Variants in FREM3 observed in about 807,000 individuals in gnomAD.
FREM3 encodes FRAS1 related extracellular matrix 3, also known as FRAS1-related extracellular matrix protein 3.
In FREM3, 105 loss-of-function variants were observed where a neutral mutation model predicts 129.1. The ratio of observed to expected loss-of-function variants is 0.81; its 90% CI spans 0.69 to 0.96. The LOEUF is 0.96. Ranked by LOEUF, FREM3 falls within the 40% of genes least tolerant of loss-of-function variation. The pLI, the probability that FREM3 is intolerant of heterozygous loss-of-function variation, is 0.00. For missense variants in FREM3, 2,593 were observed against 2,666.3 expected, an observed-to-expected ratio of 0.97 and a Z score of 0.61; for synonymous variants, 1,014 against 1,044.9, an observed-to-expected ratio of 0.97 and a Z score of 0.57.
chr4:143,589,365 T>A (rs1738309819), intron 6 of FREM3, among the ~76,000 whole-genome samples: 1 of 152,200 alleles, frequency 6.6e-6, no homozygotes, highest in Non-Finnish European at 1.5e-5. Context: ...AGGGTTTTTA[T>A]GGTTTCAGGT....
At position 143,669,534 on chromosome 4, in the gene FREM3, C is replaced by T. The variant is rs191840564; in HGVS notation, c.5275+23579G>A. On this transcript the variant is annotated intron_variant, in intron 2 of 7. Transcript: ENST00000329798. ...AACTCTTGGCGTCAAGTGATGCTCCCGCTTCAGCCTACTTTGGGATTATAG... is the reference window on the plus strand; with the variant it reads ...AACTCTTGGCGTCAAGTGATGCTCCTGCTTCAGCCTACTTTGGGATTATAG... 1.6e-3 allele frequency among the ~76,000 whole-genome samples: 237 copies of T among 152,026 alleles called. 1 individual carries two copies. The highest frequency in any genetic ancestry group is 2.7e-3 in the Non-Finnish European group (181 of 67,982).
At chr4:143,661,864 A>C (rs954939445) in intron 2 of FREM3, among the ~76,000 whole-genome samples, 3 of 152,108 alleles carry the variant, frequency 2.0e-5, no homozygotes, top group Non-Finnish European at 4.4e-5. Flanking sequence ...TAGGTTTTCT[A>C]GTTTGTTTGT....
intron 2 of FREM3, among the ~76,000 whole-genome samples, chr4:143,670,877 A>G (rs1334839342): frequency 1.3e-5 from 2 of 152,164 alleles, no homozygotes; most frequent in African/African-American, 4.8e-5. Context: ...ATGATTAAAA[A>G]AATAAATTAT....
At chr4:143,625,588 G>T (rs1309135765) in intron 3 of FREM3, among the ~76,000 whole-genome samples, 1 of 152,198 alleles carries the variant, frequency 6.6e-6, no homozygotes, top group Non-Finnish European at 1.5e-5. Flanking sequence ...CATGTTGGAA[G>T]TGGGGAACAT....
intron 2 of FREM3, among the ~76,000 whole-genome samples, chr4:143,691,251 C>T (rs1740462908): frequency 6.6e-6 from 1 of 152,046 alleles, no homozygotes; most frequent in South Asian, 2.1e-4. Context: ...TTAAGAAGTG[C>T]AGTCTTGGCC....
In FREM3 at chr4:143,700,507, G is replaced by T; in HGVS notation, c.169C>A (p.Pro57Thr). The change falls in exon 1 of 8, where the codon CCC becomes ACC. Residue 57 changes from proline (P) to threonine (T), a missense_variant. Physicochemically the swap from Pro to Thr is conservative, Grantham distance 38. Coordinates refer to ENST00000329798, the MANE Select transcript of FREM3 (RefSeq NM_001168235.2). Reference protein sequence around the residue: ...PARGALDGTRPDGPSVLIANP... With the variant: ...PARGALDGTRTDGPSVLIANP... ...GCAATCAGCACGCTGGGGCCGTCGG[G>T]GCGAGTGCCGTCAAGCGCACCCCGG... 1.3e-6 allele frequency: 2 copies of T among 1,517,054 alleles called. No homozygotes were observed. The highest frequency in any genetic ancestry group is 1.8e-6 in the Non-Finnish European group (2 of 1,135,492). The allele number at this position is 1,517,054 out of a possible 1,614,324, so 94.0% of individuals were successfully genotyped here.
intron 6 of FREM3, among the ~76,000 whole-genome samples, chr4:143,603,414 C>A (rs895153000): frequency 2.6e-5 from 4 of 152,128 alleles, no homozygotes; most frequent in African/African-American, 9.7e-5. Flanking sequence ...CAGTGGCAAT[C>A]AACTGTTATT....
At chr4:143,644,341 G>A (rs947284917) in intron 2 of FREM3, among the ~76,000 whole-genome samples, 1 of 151,828 alleles carries the variant, frequency 6.6e-6, no homozygotes, top group African/African-American at 2.4e-5. Context: ...TCCATTTTCC[G>A]TAAGGTCATT....
At chr4:143,590,175 A>T (rs1235553411) in intron 6 of FREM3, among the ~76,000 whole-genome samples, 37 of 152,234 alleles carry the variant, frequency 2.4e-4, no homozygotes, top group African/African-American at 8.4e-4. Context: ...CAATCATGTC[A>T]TCTGCAAACA....
chr4:143,612,440 A>G (rs1738775399), intron 5 of FREM3, among the ~76,000 whole-genome samples: 1 of 152,186 alleles, frequency 6.6e-6, no homozygotes. Flanking sequence ...TTGTGTGGCT[A>G]TACCACAGTT....
At chr4:143,642,365 C>A (rs1292828243) in intron 2 of FREM3, among the ~76,000 whole-genome samples, 2 of 152,108 alleles carry the variant, frequency 1.3e-5, no homozygotes, top group South Asian at 4.2e-4. Context: ...TTTGGAGGCA[C>A]CACACTACCT....
rs1299697462 is a variant in FREM3 at position 143,624,111 on chromosome 4, C to T, written c.5650G>A (p.Asp1884Asn). Reference sequence around the variant, plus strand: ...CAAATCAATCAGTGTCACATACCATCTCCAGGGTCTACAATTTCAACCGTT... The same window carrying T: ...CAAATCAATCAGTGTCACATACCATTTCCAGGGTCTACAATTTCAACCGTT... The part of the protein sequence containing the change: ...MATVEIVDPG[D>N]ESTVYIPEAE... Residue 1884 changes from aspartate (D) to asparagine (N), a missense_variant, in exon 4 of 8, where the codon GAT (aspartate) becomes AAT (asparagine). By Grantham distance (23) the Asp-to-Asn change is conservative. This residue lies in a region of FREM3 where 317 missense variants were observed against 399.0 expected (regional missense o/e 0.79). Coordinates refer to ENST00000329798, the MANE Select transcript of FREM3 (RefSeq NM_001168235.2). 2 of 1,509,818 alleles carry T rather than the reference C, an allele frequency of 1.3e-6. No individual in the cohort carries two copies. Among genetic ancestry groups the T allele is most frequent in the Non-Finnish European group, 8.9e-7 (1 of 1,122,030 alleles). The allele number at this position is 1,509,818 out of a possible 1,614,324, so 93.5% of individuals were successfully genotyped here. A position where few individuals can be genotyped will look rare whatever the true frequency, so the allele number is the denominator to read the frequency against.
At chr4:143,583,621 T>TG (rs1553964047) in intron 7 of FREM3, among the ~76,000 whole-genome samples, 1 of 151,652 alleles carries the variant, frequency 6.6e-6, no homozygotes, top group Non-Finnish European at 1.5e-5. Context: ...GCAGAAACTC[T>TG]ACAGGCCAGA....
In FREM3 at chr4:143,700,083, A is replaced by T. The variant is rs1449806835; in HGVS notation, c.593T>A (p.Leu198Gln). Residue 198 changes from leucine to glutamine, a missense_variant, in exon 1 of 8, where the codon CTG becomes CAG. Transcript: ENST00000329798. ...GCGGGTGGCCGTGGCTCCAGACTTCAGGGAGGCGAAGTCCAGCACTCTCCT... is the reference window on the plus strand; with the variant it reads ...GCGGGTGGCCGTGGCTCCAGACTTCTGGGAGGCGAAGTCCAGCACTCTCCT... The part of the protein sequence containing the change: ...IDRRVLDFAS[L>Q]KSGATATRRC... 3.3e-6 allele frequency: 5 copies of T among 1,532,104 alleles called. No individual in the cohort carries two copies. The African/African-American group carries it at 6.9e-5, about 21-fold the overall frequency. 94.9% of individuals were successfully genotyped at this position (1,532,104 alleles called of 1,614,324 possible). A position where few individuals can be genotyped will look rare whatever the true frequency, so the allele number is the denominator to read the frequency against.
chr4:143,673,428 T>C lies in FREM3; in HGVS notation c.5275+19685A>G, dbSNP rs140423814. On this transcript the variant is annotated intron_variant, in intron 2 of 7. Transcript: ENST00000329798. ...AGCGAATATTGGTGAACAGCAAATG[T>C]TGCTGTCTGATTGTTCCTCTGGAAG... 9.1e-3 allele frequency among the ~76,000 whole-genome samples: 1,386 copies of C among 152,300 alleles called. 27 individuals carry two copies. Among genetic ancestry groups the C allele is most frequent in the African/African-American group, 0.031 (1,300 of 41,562 alleles).
chr4:143,667,184 T>A (rs546218980), intron 2 of FREM3, among the ~76,000 whole-genome samples: 112 of 152,300 alleles, frequency 7.4e-4, no homozygotes, highest in Middle Eastern at 6.8e-3. Context: ...GAATACTGTA[T>A]TTTATGTGGA....
At chr4:143,664,356 AC>A (rs1004850720) in intron 2 of FREM3, among the ~76,000 whole-genome samples, 2 of 152,046 alleles carry the variant, frequency 1.3e-5, no homozygotes, top group African/African-American at 4.8e-5. Flanking sequence ...TCCACTCCAG[AC>A]CCTGTTTGCC....
chr4:143,657,183 G>T (rs897278179), intron 2 of FREM3, among the ~76,000 whole-genome samples: 17 of 152,268 alleles, frequency 1.1e-4, no homozygotes, highest in African/African-American at 3.9e-4. Flanking sequence ...AACTGTTTCT[G>T]CAACACACTC....
chr4:143,684,541 C>T (rs1740321195), intron 2 of FREM3, among the ~76,000 whole-genome samples: 1 of 152,186 alleles, frequency 6.6e-6, no homozygotes. Flanking sequence ...CTGACAGAGG[C>T]TACCCAAATG....
Sources: gnomAD v4.1 joint callset for allele counts (sites outside exome capture counted in the v4.1 genomes callset) on GRCh38, gnomAD v4.1.1 for gene constraint, gnomAD v4.1.1 regional missense constraint, MANE v1.5 for transcripts, NCBI Gene and HGNC (gene_info 2026-07-23, HGNC 2026-07-21) for gene names.